The following SUSD3 variants were observed in gnomAD, a reference collection of about 807,000 sequenced individuals.
SUSD3 encodes the protein sushi domain containing 3.
SUSD3 carries 18 observed loss-of-function variants against 20.6 expected under a neutral mutation model. That is an observed-to-expected ratio of 0.87 (90% CI 0.60 to 1.30). The LOEUF (loss-of-function observed/expected upper bound fraction) is 1.30. Ranked by LOEUF, SUSD3 falls within the 50% of genes most tolerant of loss-of-function variation. SUSD3 has a pLI of 0.00. For missense variants in SUSD3, 306 were observed against 346.9 expected (o/e 0.88, Z 0.94); for synonymous variants, 137 against 141.5 (o/e 0.97, Z 0.23).
At chr9:93,073,440 G>A (rs1047935292) in intron 1 of SUSD3, among the ~76,000 whole-genome samples, 1 of 152,030 alleles carries the variant, frequency 6.6e-6, no homozygotes, top group Non-Finnish European at 1.5e-5. Context: ...AGTAAAGACG[G>A]GGTTTCACCG....
chr9:93,082,541 TCTC>T (rs999134114), intron 4 of SUSD3, among the ~76,000 whole-genome samples: 3 of 152,094 alleles, frequency 2.0e-5, no homozygotes, highest in Non-Finnish European at 2.9e-5. Flanking sequence ...ATGGTCTCGA[TCTC>T]CTCACCTCGT....
chr9:93,067,169 A>C (rs1352135588), intron 1 of SUSD3, among the ~76,000 whole-genome samples: 1 of 152,232 alleles, frequency 6.6e-6, no homozygotes, highest in Non-Finnish European at 1.5e-5. Flanking sequence ...GAGTGTCATC[A>C]TATGACATGT....
At chr9:93,070,651 G>T (rs1331179580) in intron 1 of SUSD3, among the ~76,000 whole-genome samples, 1 of 152,230 alleles carries the variant, frequency 6.6e-6, no homozygotes, top group Non-Finnish European at 1.5e-5. Flanking sequence ...CCACCTTCCA[G>T]ATGCCTTGGC....
intron 1 of SUSD3, among the ~76,000 whole-genome samples, chr9:93,071,545 A>T (rs1825912314): frequency 6.6e-6 from 1 of 152,170 alleles, no homozygotes; most frequent in East Asian, 1.9e-4. Context: ...TGCCCACCAG[A>T]TTAAGGGTGG....
intron 1 of SUSD3, among the ~76,000 whole-genome samples, chr9:93,069,356 G>C (rs1825829602): frequency 6.6e-6 from 1 of 152,160 alleles, no homozygotes; most frequent in South Asian, 2.1e-4. Flanking sequence ...TCTGATTGTG[G>C]AACCACCGGT....
intron 1 of SUSD3, among the ~76,000 whole-genome samples, chr9:93,069,881 G>A (rs952969321): frequency 2.0e-5 from 3 of 151,988 alleles, no homozygotes; most frequent in Admixed American, 2.0e-4. Context: ...CTGGGATCAG[G>A]CGATTCTCCT....
intron 1 of SUSD3, among the ~76,000 whole-genome samples, chr9:93,071,300 C>A (rs1298257262): frequency 6.6e-6 from 1 of 152,198 alleles, no homozygotes; most frequent in African/African-American, 2.4e-5. Flanking sequence ...CCTAAAACCT[C>A]AAAAGTAGGG....
At chr9:93,063,366 A>G (rs1217649617) in intron 1 of SUSD3, among the ~76,000 whole-genome samples, 1 of 152,172 alleles carries the variant, frequency 6.6e-6, no homozygotes, top group Non-Finnish European at 1.5e-5. Flanking sequence ...CCCAGACCCC[A>G]GGCGGGCAAG....
chr9:93,070,405 C>T (rs928303708), intron 1 of SUSD3, among the ~76,000 whole-genome samples: 2 of 152,214 alleles, frequency 1.3e-5, no homozygotes, highest in Admixed American at 1.3e-4. Flanking sequence ...AGACAGGGAG[C>T]AGTCAGAATG....
At chr9:93,069,250 G>T in intron 1 of SUSD3, 1 of 653,750 alleles carries the variant, frequency 1.5e-6, no homozygotes, top group South Asian at 1.7e-5. Flanking sequence ...TAGCCCTCTG[G>T]GTTATCAGAC....
chr9:93,073,966 A>T (rs1347137095), intron 1 of SUSD3, among the ~76,000 whole-genome samples: 1 of 152,202 alleles, frequency 6.6e-6, no homozygotes, highest in Non-Finnish European at 1.5e-5. Context: ...CAGTTTGCTC[A>T]TCTGTCGATG....
chr9:93,084,854 C>T lies in SUSD3; in HGVS notation c.*107C>T, dbSNP rs931018802. ...AACTCCACATGCGCCCAGCTCGAGA[C>T]TGATGAGTGGAATCAGCTTCCAGGT... On this transcript the variant is annotated 3_prime_UTR_variant, in exon 5 of 5. Transcript: ENST00000375472. The T allele has an allele frequency of 8.5e-6, 9 of 1,052,744 alleles. No individual in the cohort carries two copies. The African/African-American group carries it at 1.3e-4, about 15-fold the overall frequency. 65.2% of individuals were successfully genotyped at this position (1,052,744 alleles called of 1,614,324 possible). A position where few individuals can be genotyped will look rare whatever the true frequency, so the allele number is the denominator to read the frequency against.
intron 2 of SUSD3, 46 bp from the exon 3 acceptor site, chr9:93,077,800 A>G (rs753263069): frequency 3.1e-6 from 5 of 1,611,154 alleles, no homozygotes; most frequent in Non-Finnish European, 4.2e-6. Context: ...GGCCAAGCAA[A>G]TCTGGGCAAA....
chr9:93,068,924 G>A (rs1424334318), intron 1 of SUSD3, among the ~76,000 whole-genome samples: 3 of 152,060 alleles, frequency 2.0e-5, no homozygotes, highest in Non-Finnish European at 4.4e-5. Flanking sequence ...TTTATAAATT[G>A]AACAGAGTGA....
At chr9:93,059,173 A>C (rs1825407714) in intron 1 of SUSD3, among the ~76,000 whole-genome samples, 1 of 151,050 alleles carries the variant, frequency 6.6e-6, no homozygotes, top group Non-Finnish European at 1.5e-5. Context: ...CTCCCGGGGA[A>C]GTCGAAACCG....
At chr9:93,073,419 T>C (rs1168959073) in intron 1 of SUSD3, among the ~76,000 whole-genome samples, 1 of 152,000 alleles carries the variant, frequency 6.6e-6, no homozygotes, top group Admixed American at 6.6e-5. Flanking sequence ...GCTAATTATT[T>C]TTCTATTTTT....
In SUSD3 at chr9:93,058,788, G is replaced by C. The variant is rs916049819; in HGVS notation, c.46G>C (p.Gly16Arg). The C allele has an allele frequency of 2.3e-5, 28 of 1,242,200 alleles. No homozygotes were observed. The highest frequency in any genetic ancestry group is 2.8e-5 in the Non-Finnish European group (28 of 993,072). 76.9% of individuals were successfully genotyped at this position (1,242,200 alleles called of 1,614,324 possible). Residue 16 changes from glycine to arginine, a missense_variant, in exon 1 of 5, where the codon GGG becomes CGG. By Grantham distance (125) the Gly-to-Arg change is moderately radical (BLOSUM62 -2). Transcript: ENST00000375472. ...ATLRGKARPR[G>R]RAGVTTPAPG... ...CCTCCGTGGCAAGGCGAGGCCCCGG[G>C]GGCGGGCCGGGGTCACCACGCCTGC...
intron 3 of SUSD3, 59 bp from the exon 4 acceptor site, chr9:93,079,412 C>T: frequency 1.3e-6 from 2 of 1,584,698 alleles, no homozygotes; most frequent in African/African-American, 1.3e-5. Flanking sequence ...AGCCTGTTTC[C>T]ACCACCGTCA....
At chr9:93,082,419 A>G (rs904383364) in intron 4 of SUSD3, among the ~76,000 whole-genome samples, 9 of 143,330 alleles carry the variant, frequency 6.3e-5, no homozygotes, top group African/African-American at 2.4e-4. Context: ...CCGGGTTCAC[A>G]CCATTCTCCT....
Sources: gnomAD v4.1 joint callset for allele counts (sites outside exome capture counted in the v4.1 genomes callset) on GRCh38, gnomAD v4.1.1 for gene constraint, MANE v1.5 for transcripts, NCBI Gene and HGNC (gene_info 2026-07-23, HGNC 2026-07-21) for gene names.